CAMK4: variants seen among roughly 807,000 people sequenced by gnomAD.
CAMK4 encodes calcium/calmodulin-dependent protein kinase type IV.
CAMK4 carries 22 observed loss-of-function variants against 44.9 expected under a neutral mutation model. That is an observed-to-expected ratio of 0.49 (90% CI 0.35 to 0.70). The LOEUF is 0.70. Among genes scored for constraint, CAMK4 ranks in the 30% least tolerant of loss-of-function variants. The pLI, the probability that CAMK4 is intolerant of heterozygous loss-of-function variation, is 0.01. For synonymous variants in CAMK4, 218 were observed against 215.4 expected, an observed-to-expected ratio of 1.01 and a Z score of -0.11; for missense variants, 498 against 586.8, an observed-to-expected ratio of 0.85 and a Z score of 1.56.
At chr5:111,278,215 A>C (rs537117182) in intron 1 of CAMK4, among the ~76,000 whole-genome samples, 2 of 152,222 alleles carry the variant, frequency 1.3e-5, no homozygotes, top group Non-Finnish European at 2.9e-5. Flanking sequence ...ATGCTCAGTG[A>C]AGAAATGCTT....
chr5:111,480,361 C>T (rs747243530), intron 9 of CAMK4, among the ~76,000 whole-genome samples: 2 of 151,788 alleles, frequency 1.3e-5, no homozygotes, highest in African/African-American at 4.8e-5. Context: ...CGGCCTTCCC[C>T]TTCAGTCCCT....
At chr5:111,264,868 T>A (rs910799948) in intron 1 of CAMK4, among the ~76,000 whole-genome samples, 3 of 152,164 alleles carry the variant, frequency 2.0e-5, no homozygotes, top group African/African-American at 7.2e-5. Flanking sequence ...ATGCTGATAC[T>A]AGCAATCTGC....
At chr5:111,273,677 TTATATATATATATATATATATATA>T (rs1160351356) in intron 1 of CAMK4, among the ~76,000 whole-genome samples, 3 of 41,126 alleles carry the variant, frequency 7.3e-5, no homozygotes, top group Non-Finnish European at 1.6e-4. Flanking sequence ...AAAAATGCAT[TTATATATATATATATATATATATA>T]TATATATATA....
chr5:111,464,230 GA>G (rs1409589764), intron 7 of CAMK4, among the ~76,000 whole-genome samples: 1 of 130,498 alleles, frequency 7.7e-6, no homozygotes, highest in Non-Finnish European at 1.8e-5. Context: ...ACAAGCAGAA[GA>G]AAGAGCTTCA....
intron 7 of CAMK4, among the ~76,000 whole-genome samples, chr5:111,463,818 G>A (rs143400049): frequency 1.5e-3 from 228 of 152,298 alleles, no homozygotes; most frequent in African/African-American, 5.3e-3. Context: ...AGGGAGTATA[G>A]TGTGGGACAA....
intron 5 of CAMK4, among the ~76,000 whole-genome samples, chr5:111,395,230 A>AAAAAAAAAAG (rs1561460472): frequency 1.9e-3 from 198 of 106,336 alleles, no homozygotes; most frequent in African/African-American, 3.7e-3. Flanking sequence ...AAAAAAAAGA[A>AAAAAAAAAAG]AAAAAAAAAG....
At position 111,405,481 on chromosome 5, in the gene CAMK4, CA is replaced by C. The variant is rs577778358; in HGVS notation, c.459+10708del. Among the ~76,000 whole-genome samples the C allele has an allele frequency of 3.2e-4, 48 of 149,444 alleles. No homozygotes were observed. The South Asian group carries it at 4.2e-3, about 13-fold the overall frequency. On this transcript the variant is annotated intron_variant, in intron 5 of 10. Coordinates refer to ENST00000282356, the MANE Select transcript of CAMK4 (RefSeq NM_001744.6). ...GACTGCGTCTCAAAACAAAACAAAA[CA>C]AAAAAAAAGACGAAGTTTATTGTTT...
At chr5:111,312,919 A>G (rs1307511954) in intron 1 of CAMK4, among the ~76,000 whole-genome samples, 1 of 152,122 alleles carries the variant, frequency 6.6e-6, no homozygotes, top group Non-Finnish European at 1.5e-5. Context: ...TTGGGCAAAT[A>G]TTAAAACTAA....
chr5:111,318,565 C>G (rs1330753512), intron 1 of CAMK4, among the ~76,000 whole-genome samples: 1 of 152,076 alleles, frequency 6.6e-6, no homozygotes, highest in African/African-American at 2.4e-5. Flanking sequence ...AGTGGAAATA[C>G]CAAGCTCTGA....
intron 1 of CAMK4, among the ~76,000 whole-genome samples, chr5:111,258,093 A>G (rs1749816328): frequency 6.6e-6 from 1 of 152,218 alleles, no homozygotes; most frequent in Non-Finnish European, 1.5e-5. Context: ...TAGGTGCAGC[A>G]AACCACCATG....
chr5:111,224,796 C>A lies in CAMK4; in HGVS notation c.161+152C>A. ...TCTTGAGAGAGAGCTAACCTTCATT[C>A]AGGTGCGGCTCGAGTCCTTCCCACC... On this transcript the variant is annotated intron_variant, in intron 1 of 10. Transcript: ENST00000282356. The surrounding 1 kb of genome is among the most constrained non-coding windows in gnomAD (Gnocchi z 5.7). 1 of 788,482 alleles carries A rather than the reference C, an allele frequency of 1.3e-6. No individual in the cohort carries two copies. The highest frequency in any genetic ancestry group is 1.9e-6 in the Non-Finnish European group (1 of 518,120). 48.8% of individuals were successfully genotyped at this position (788,482 alleles called of 1,614,324 possible).
chr5:111,341,324 G>T (rs907800650), intron 1 of CAMK4, among the ~76,000 whole-genome samples: 2 of 150,946 alleles, frequency 1.3e-5, no homozygotes, highest in African/African-American at 2.4e-5. Context: ...AAATTTTACA[G>T]TTCCTGGTTT....
chr5:111,374,593 T>C (rs1281818101), intron 2 of CAMK4, among the ~76,000 whole-genome samples: 2 of 151,982 alleles, frequency 1.3e-5, no homozygotes, highest in African/African-American at 2.4e-5. Flanking sequence ...TGACTTTTGA[T>C]AGGAAAGTGG....
intron 4 of CAMK4, among the ~76,000 whole-genome samples, chr5:111,386,867 C>A (rs1751625198): frequency 6.6e-6 from 1 of 152,228 alleles, no homozygotes; most frequent in Admixed American, 6.5e-5. Flanking sequence ...GGCCCCCTGG[C>A]AGCTGAGGGA....
chr5:111,364,214 A>G (rs1422893294), intron 2 of CAMK4, among the ~76,000 whole-genome samples: 2 of 151,780 alleles, frequency 1.3e-5, no homozygotes, highest in Non-Finnish European at 2.9e-5. Context: ...ATTAATCAGG[A>G]TCATGCTCGT....
chr5:111,286,763 A>G (rs1751253044), intron 1 of CAMK4, among the ~76,000 whole-genome samples: 1 of 152,138 alleles, frequency 6.6e-6, no homozygotes, highest in Non-Finnish European at 1.5e-5. Context: ...AGAACATAAA[A>G]TTTTTGTCTA....
At chr5:111,320,876 C>T (rs1443440872) in intron 1 of CAMK4, among the ~76,000 whole-genome samples, 1 of 152,228 alleles carries the variant, frequency 6.6e-6, no homozygotes, top group Non-Finnish European at 1.5e-5. Flanking sequence ...AGTCAAGATG[C>T]ATCCTGCAGC....
At chr5:111,345,369 A>G (rs1749822717) in intron 2 of CAMK4, among the ~76,000 whole-genome samples, 1 of 151,948 alleles carries the variant, frequency 6.6e-6, no homozygotes, top group South Asian at 2.1e-4. Flanking sequence ...CTGTTGATTG[A>G]TAAGATTTGG....
At chr5:111,443,280 A>G (rs1168235000) in intron 5 of CAMK4, among the ~76,000 whole-genome samples, 2 of 22,338 alleles carry the variant, frequency 9.0e-5, no homozygotes, top group African/African-American at 2.2e-4. Context: ...ATATATATAT[A>G]CACACACACA....
Sources: gnomAD v4.1 joint callset for allele counts (sites outside exome capture counted in the v4.1 genomes callset) on GRCh38, gnomAD v4.1.1 for gene constraint, Gnocchi (gnomAD v3.1) non-coding constraint, MANE v1.5 for transcripts, NCBI Gene and HGNC (gene_info 2026-07-23, HGNC 2026-07-21) for gene names.